KLC1: variants seen among roughly 807,000 people sequenced by gnomAD.
The protein encoded by KLC1 is kinesin 2 60/70kDa.
A neutral mutation model predicts 84.2 loss-of-function variants in KLC1; 30 were observed. That is an observed-to-expected ratio of 0.36 (90% CI 0.27 to 0.48). The LOEUF (loss-of-function observed/expected upper bound fraction) is 0.48. Ranked by LOEUF, KLC1 falls within the 20% of genes least tolerant of loss-of-function variation. KLC1 has a pLI of 0.99. For missense variants in KLC1, 499 were observed against 805.4 expected, an observed-to-expected ratio of 0.62 and a Z score of 4.60; for synonymous variants, 289 against 293.3, an observed-to-expected ratio of 0.99 and a Z score of 0.15.
intron 13 of KLC1, 164 bp downstream of exon 13, chr14:103,679,709 T>C (rs138226419): frequency 1.7e-5 from 10 of 579,048 alleles, no homozygotes; most frequent in African/African-American, 1.5e-4. Flanking sequence ...AAGTCTGTTA[T>C]TTGTTTAAAG....
At position 103,694,358 on chromosome 14, in the gene KLC1, T is replaced by C. The variant is rs1231639097; in HGVS notation, c.1848+1933T>C. ...GCTCCACCTCCTGGGTTCACGCCAT[T>C]CTCCTGCCTCAGCCTCCCGAGTAGC... On this transcript the variant is annotated intron_variant, in intron 15 of 16. Transcript: ENST00000334553. The surrounding 1 kb of genome is among the most constrained non-coding windows in gnomAD (Gnocchi z 4.5). 1.1e-6 allele frequency: 1 copy of C among 932,774 alleles called. No homozygotes were observed. The highest frequency in any genetic ancestry group is 1.8e-5 in the African/African-American group (1 of 55,900). The allele number at this position is 932,774 out of a possible 1,614,324, so 57.8% of individuals were successfully genotyped here. A position where few individuals can be genotyped will look rare whatever the true frequency, so the allele number is the denominator to read the frequency against.
chr14:103,673,970 G>A (rs1032361919), intron 9 of KLC1, among the ~76,000 whole-genome samples: 8 of 151,292 alleles, frequency 5.3e-5, no homozygotes, highest in East Asian at 3.9e-4. Flanking sequence ...GTGAGGCCCC[G>A]TAGCTGAGAA....
At position 103,662,141 on chromosome 14, in the gene KLC1, A is replaced by G. The variant is rs150356959; in HGVS notation, c.518A>G (p.Lys173Arg). The G allele has an allele frequency of 1.8e-5, 29 of 1,613,872 alleles. No individual in the cohort carries two copies. The highest frequency in any genetic ancestry group is 2.1e-5 in the Non-Finnish European group (25 of 1,179,882). Reference sequence around the variant, plus strand: ...GAGGACAAAGACACTGATTCTACCAAAGAGCCTCTGGATGACCTTTTCCCC... The same window carrying G: ...GAGGACAAAGACACTGATTCTACCAGAGAGCCTCTGGATGACCTTTTCCCC... ...PSEDKDTDST[K>R]EPLDDLFPND... The change falls in exon 4 of 17, where the codon AAA (lysine) becomes AGA (arginine). Residue 173 changes from lysine (K) to arginine (R), a missense_variant. Transcript: ENST00000334553.
chr14:103,679,772 A>C, intron 13 of KLC1: 1 of 494,460 alleles, frequency 2.0e-6, no homozygotes, highest in East Asian at 3.2e-5. Flanking sequence ...AACTTTGAGC[A>C]CTTAAATGCT....
In KLC1 at chr14:103,693,594, C is replaced by T. The variant is rs1027964171; in HGVS notation, c.1848+1169C>T. ...TGGCCGACTCGCGAGCTCTGAGTGCCAGCCACACTGACCTGGCCCACTGAG... is the reference window on the plus strand; with the variant it reads ...TGGCCGACTCGCGAGCTCTGAGTGCTAGCCACACTGACCTGGCCCACTGAG... On this transcript the variant is annotated intron_variant, in intron 15 of 16. Transcript: ENST00000334553. The surrounding 1 kb of genome is among the most constrained non-coding windows in gnomAD (Gnocchi z 5.1). The T allele has an allele frequency of 3.9e-6, 6 of 1,535,996 alleles. No homozygotes were observed. The African/African-American group carries it at 8.2e-5, about 21-fold the overall frequency.
intron 11 of KLC1, 99 bp downstream of exon 11, chr14:103,675,855 C>T: frequency 2.2e-6 from 2 of 906,448 alleles, no homozygotes; most frequent in South Asian, 1.5e-5. Flanking sequence ...TGTAGTGTTC[C>T]TTAAGTGCAC....
At chr14:103,677,345 T>A (rs1176739775) in intron 11 of KLC1, 70 bp from the exon 12 acceptor site, 1 of 871,430 alleles carries the variant, frequency 1.1e-6, no homozygotes, top group East Asian at 2.4e-5. Context: ...TTCTTTAGAT[T>A]ATGTGCTGTT....
intron 1 of KLC1, among the ~76,000 whole-genome samples, chr14:103,650,691 A>C (rs1375822292): frequency 6.8e-6 from 1 of 146,168 alleles, no homozygotes; most frequent in Non-Finnish European, 1.5e-5. Flanking sequence ...CGATTCTTCT[A>C]CCTCAACCTC....
intron 1 of KLC1, among the ~76,000 whole-genome samples, chr14:103,638,221 C>G (rs937910238): frequency 4.6e-5 from 7 of 152,132 alleles, no homozygotes; most frequent in African/African-American, 1.7e-4. Context: ...TTTCTTCCCT[C>G]CATCCCATTT....
In KLC1 at chr14:103,665,962, G is replaced by A. The variant is rs369026915; in HGVS notation, c.797+3035G>A. Reference sequence around the variant, plus strand: ...TTTGATTATGTATTTTTAGTCATTTGTATCCTTCTGTGAATTTCCTGTTAC... The same window carrying A: ...TTTGATTATGTATTTTTAGTCATTTATATCCTTCTGTGAATTTCCTGTTAC... On this transcript the variant is annotated intron_variant, in intron 5 of 16. Coordinates refer to ENST00000334553, the MANE Select transcript of KLC1 (RefSeq NM_001394837.1). Among the ~76,000 whole-genome samples the A allele has an allele frequency of 4.6e-5, 7 of 152,074 alleles. No homozygotes were observed. The East Asian group carries it at 5.8e-4, about 13-fold the overall frequency.
intron 4 of KLC1, 36 bp from the exon 5 acceptor site, chr14:103,662,666 T>G (rs770924392): frequency 1.4e-6 from 2 of 1,478,876 alleles, no homozygotes; most frequent in Admixed American, 2.3e-5. Context: ...ATAATTGTCT[T>G]TAAAAACCCA....
chr14:103,657,217 G>A (rs1016800253), intron 2 of KLC1, among the ~76,000 whole-genome samples: 6 of 152,258 alleles, frequency 3.9e-5, no homozygotes, highest in Admixed American at 3.3e-4. Context: ...AAAAAATTAT[G>A]TTGGGCCCAT....
intron 13 of KLC1, chr14:103,683,563 T>C (rs1484081791): frequency 6.6e-6 from 1 of 152,256 alleles, no homozygotes. Context: ...TGTTGGGATG[T>C]GGGAGCCCCT....
intron 5 of KLC1, 53 bp from the exon 6 acceptor site, chr14:103,669,458 A>G: frequency 9.4e-7 from 1 of 1,064,486 alleles, no homozygotes; most frequent in Non-Finnish European, 1.4e-6. Flanking sequence ...AAAAGAAAAG[A>G]AAAGCTGTAG....
intron 11 of KLC1, 26 bp downstream of exon 11, chr14:103,675,782 G>GA (rs1188155023): frequency 6.2e-7 from 1 of 1,600,990 alleles, no homozygotes; most frequent in East Asian, 2.2e-5. Flanking sequence ...CGTTTGGCTG[G>GA]AAAAACCAAA....
Position 103,694,985 on chromosome 14 carries a change from C to T in KLC1, c.1848+2560C>T, listed in dbSNP as rs1477054919. The stretch of plus-strand genomic sequence containing the variant: ...CCCAGGAGCTGCCCTGTGGAGCCAG[C>T]GTTGTCCCCGAGCTGCTCGCCTGTG... On this transcript the variant is annotated intron_variant, in intron 15 of 16. Transcript: ENST00000334553. The surrounding 1 kb of genome is among the most constrained non-coding windows in gnomAD (Gnocchi z 4.5). 17 of 985,310 alleles carry T rather than the reference C, an allele frequency of 1.7e-5. No homozygotes were observed. Among genetic ancestry groups the T allele is most frequent in the Admixed American group, 1.2e-4 (2 of 16,258 alleles). 61.0% of individuals were successfully genotyped at this position (985,310 alleles called of 1,614,324 possible). A position where few individuals can be genotyped will look rare whatever the true frequency, so the allele number is the denominator to read the frequency against.
chr14:103,699,609 C>A, intron 15 of KLC1: 2 of 1,609,510 alleles, frequency 1.2e-6, no homozygotes, highest in South Asian at 1.1e-5. Flanking sequence ...CTATGCTGGT[C>A]AGCAAGTCCC....
intron 13 of KLC1, chr14:103,682,926 T>C (rs964958490): frequency 1.3e-5 from 2 of 151,958 alleles, no homozygotes; most frequent in Admixed American, 6.6e-5. Context: ...TTTTAAAAGG[T>C]TGAAAACTAC....
intron 1 of KLC1, among the ~76,000 whole-genome samples, chr14:103,653,564 G>A (rs1283609943): frequency 2.6e-5 from 4 of 152,148 alleles, no homozygotes; most frequent in African/African-American, 9.7e-5. Flanking sequence ...CAAGTGATCC[G>A]CCTGCCTTGG....
Sources: gnomAD v4.1 joint callset for allele counts (sites outside exome capture counted in the v4.1 genomes callset) on GRCh38, gnomAD v4.1.1 for gene constraint, Gnocchi (gnomAD v3.1) non-coding constraint, MANE v1.5 for transcripts, NCBI Gene and HGNC (gene_info 2026-07-23, HGNC 2026-07-21) for gene names.